The following COL23A1 variants were observed in gnomAD, a reference collection of about 807,000 sequenced individuals.
COL23A1 encodes the protein collagen type XXIII alpha 1 chain.
Under a neutral mutation model 99.3 loss-of-function variants are expected in COL23A1, and 97 were observed. That is an observed-to-expected ratio of 0.98 (90% CI 0.83 to 1.16). The LOEUF is 1.16. Ranked by LOEUF, COL23A1 falls within the 50% of genes most tolerant of loss-of-function variation. COL23A1 has a pLI of 0.00. For missense variants in COL23A1, 762 were observed against 757.4 expected (o/e 1.01, Z -0.07); for synonymous variants, 320 against 308.2 (o/e 1.04, Z -0.40).
At chr5:178,241,608 C>T (rs1030670788) in intron 27 of COL23A1, among the ~76,000 whole-genome samples, 2 of 152,184 alleles carry the variant, frequency 1.3e-5, no homozygotes, top group Non-Finnish European at 2.9e-5. Context: ...GGCAGCGTGT[C>T]TGTGCTAACT....
intron 22 of COL23A1, among the ~76,000 whole-genome samples, chr5:178,246,827 C>T (rs1764726048): frequency 6.6e-6 from 1 of 152,216 alleles, no homozygotes. Flanking sequence ...CTGATAGCAG[C>T]TGCCTCTTTG....
At chr5:178,451,104 A>C (rs1336035687) in intron 2 of COL23A1, among the ~76,000 whole-genome samples, 2 of 152,240 alleles carry the variant, frequency 1.3e-5, no homozygotes, top group African/African-American at 4.8e-5. Flanking sequence ...TTTCAAAGCA[A>C]GCTTTCCTGT....
At chr5:178,290,318 C>T (rs1757384616) in intron 4 of COL23A1, 44 bp downstream of exon 4, 1 of 1,613,780 alleles carries the variant, frequency 6.2e-7, no homozygotes, top group Non-Finnish European at 8.5e-7. Flanking sequence ...GAGAACCAAA[C>T]ATCTTATCTT....
chr5:178,445,870 T>C (rs985745740), intron 2 of COL23A1, among the ~76,000 whole-genome samples: 1 of 152,046 alleles, frequency 6.6e-6, no homozygotes, highest in African/African-American at 2.4e-5. Context: ...TGAAAACCAT[T>C]TTGCAATATA....
rs1766045978 is a variant in COL23A1 at position 178,428,045 on chromosome 5, T to G, written c.362-121126A>C. On this transcript the variant is annotated intron_variant, in intron 2 of 28. Coordinates refer to ENST00000390654, the MANE Select transcript of COL23A1 (RefSeq NM_173465.4). The surrounding 1 kb of genome is among the most constrained non-coding windows in gnomAD (Gnocchi z 5.0). ...GATCCCTGATCCAGGGAGGAAGGAG[T>G]ATTAGGAAGCCAATTTGGCTCTGGT... Among the ~76,000 whole-genome samples the G allele has an allele frequency of 8.2e-6, 1 of 122,664 alleles. No homozygotes were observed. Among genetic ancestry groups the G allele is most frequent in the African/African-American group, 3.9e-5 (1 of 25,398 alleles). The allele number at this position is 122,664 out of a possible 152,430, so 80.5% of individuals were successfully genotyped here.
intron 2 of COL23A1, among the ~76,000 whole-genome samples, chr5:178,364,892 C>A (rs533970920): frequency 1.3e-5 from 2 of 152,356 alleles, no homozygotes; most frequent in East Asian, 3.9e-4. Flanking sequence ...CAGGCCCCAG[C>A]CTCCAGCAGG....
At chr5:178,240,425 C>T (rs1447663327) in intron 27 of COL23A1, among the ~76,000 whole-genome samples, 1 of 152,178 alleles carries the variant, frequency 6.6e-6, no homozygotes, top group Non-Finnish European at 1.5e-5. Flanking sequence ...CCACACAGCA[C>T]ACGGCACACG....
intron 2 of COL23A1, among the ~76,000 whole-genome samples, chr5:178,467,610 G>GTC (rs989397107): frequency 7.4e-4 from 113 of 152,226 alleles, no homozygotes; most frequent in Non-Finnish European, 1.2e-3. Context: ...AATTCTCTAG[G>GTC]TCTCTCAAGC....
At chr5:178,363,500 G>A (rs1213466743) in intron 2 of COL23A1, among the ~76,000 whole-genome samples, 1 of 152,188 alleles carries the variant, frequency 6.6e-6, no homozygotes, top group Non-Finnish European at 1.5e-5. Flanking sequence ...AGACTTGTGT[G>A]ACTATTAACC....
intron 2 of COL23A1, among the ~76,000 whole-genome samples, chr5:178,514,375 T>G (rs994066303): frequency 6.6e-6 from 1 of 152,226 alleles, no homozygotes; most frequent in Non-Finnish European, 1.5e-5. Flanking sequence ...GCTGTGAACA[T>G]GGGAACCTCT....
At position 178,365,884 on chromosome 5, in the gene COL23A1, G is replaced by A. The variant is rs1407521860; in HGVS notation, c.362-58965C>T. On this transcript the variant is annotated intron_variant, in intron 2 of 28. Transcript: ENST00000390654. The surrounding 1 kb of genome is among the most constrained non-coding windows in gnomAD (Gnocchi z 5.2). ...GGAGCTCCTCGAGGGCAAGGCCTGG[G>A]AACATCTGGAGTCAGTGAACACAGC... Among the ~76,000 whole-genome samples, 1 of 152,130 alleles carries A rather than the reference G, an allele frequency of 6.6e-6. No homozygotes were observed. The highest frequency in any genetic ancestry group is 1.5e-5 in the Non-Finnish European group (1 of 68,008).
chr5:178,386,657 G>C (rs1352041599), intron 2 of COL23A1, among the ~76,000 whole-genome samples: 1 of 152,144 alleles, frequency 6.6e-6, no homozygotes, highest in Non-Finnish European at 1.5e-5. Flanking sequence ...CGCCCCCACA[G>C]CTCACTGAGA....
intron 2 of COL23A1, among the ~76,000 whole-genome samples, chr5:178,430,478 G>A (rs11959914): frequency 0.27 from 40,816 of 152,080 alleles, 6,334 homozygotes; most frequent in Middle Eastern, 0.36. Flanking sequence ...TTCTGTGCTC[G>A]TGAGAGGCGA....
intron 2 of COL23A1, among the ~76,000 whole-genome samples, chr5:178,445,984 T>C (rs1561979100): frequency 6.6e-6 from 1 of 152,098 alleles, no homozygotes; most frequent in Admixed American, 6.5e-5. Context: ...GTTACACAAA[T>C]AATTAGCAAA....
intron 2 of COL23A1, among the ~76,000 whole-genome samples, chr5:178,332,023 TTCTC>T (rs894719545): frequency 9.9e-5 from 15 of 152,182 alleles, no homozygotes; most frequent in Non-Finnish European, 1.5e-5. Flanking sequence ...GGGGGTGACC[TTCTC>T]TCTGAGCTGG....
intron 1 of COL23A1, among the ~76,000 whole-genome samples, chr5:178,580,414 T>C (rs1307147717): frequency 1.4e-4 from 21 of 149,098 alleles, no homozygotes; most frequent in Admixed American, 1.3e-3. Flanking sequence ...TTGTTTCTCC[T>C]ATAGCCTCTA....
intron 2 of COL23A1, among the ~76,000 whole-genome samples, chr5:178,473,280 A>AAT (rs1756857363): frequency 6.6e-6 from 1 of 152,052 alleles, no homozygotes; most frequent in Non-Finnish European, 1.5e-5. Flanking sequence ...ACTTAGGTTA[A>AAT]ATGCAAGTAC....
chr5:178,516,484 C>T lies in COL23A1; in HGVS notation c.361+44198G>A, dbSNP rs891164007. On this transcript the variant is annotated intron_variant, in intron 2 of 28. Transcript: ENST00000390654. ...GAGGCTCTGAGCACCGGTGTGCCTC[C>T]TCCCCTCCTCTCCGGCATTCCCTCC... Among the ~76,000 whole-genome samples, 4 of 152,342 alleles carry T rather than the reference C, an allele frequency of 2.6e-5. No homozygotes were observed. In the South Asian group the frequency reaches 8.3e-4, roughly 32 times the overall value.
chr5:178,403,038 G>C (rs879821986), intron 2 of COL23A1, among the ~76,000 whole-genome samples: 8 of 149,794 alleles, frequency 5.3e-5, no homozygotes, highest in Non-Finnish European at 8.9e-5. Context: ...GAACCCAGGA[G>C]GTGGAGGTTG....
Sources: gnomAD v4.1 joint callset for allele counts (sites outside exome capture counted in the v4.1 genomes callset) on GRCh38, gnomAD v4.1.1 for gene constraint, Gnocchi (gnomAD v3.1) non-coding constraint, MANE v1.5 for transcripts, NCBI Gene and HGNC (gene_info 2026-07-23, HGNC 2026-07-21) for gene names.